The following HHLA2 variants were observed in gnomAD, a reference collection of about 807,000 sequenced individuals.
HHLA2 encodes HERV-H LTR-associating protein 2.
In HHLA2, 48 loss-of-function variants were observed where a neutral mutation model predicts 45.9. The ratio of observed to expected loss-of-function variants is 1.05; its 90% CI spans 0.83 to 1.33. The LOEUF is 1.33. Among genes scored for constraint, HHLA2 ranks in the 40% most tolerant of loss-of-function variants. HHLA2 has a pLI of 0.00. For synonymous variants in HHLA2, 161 were observed against 173.9 expected, an observed-to-expected ratio of 0.93 and a Z score of 0.59; for missense variants, 462 against 494.3, an observed-to-expected ratio of 0.93 and a Z score of 0.62.
At chr3:108,355,875 T>C (rs2081880218) in intron 6 of HHLA2, among the ~76,000 whole-genome samples, 1 of 152,172 alleles carries the variant, frequency 6.6e-6, no homozygotes, top group Non-Finnish European at 1.5e-5. Context: ...TCAATCTTTA[T>C]CCAACACCTC....
intron 3 of HHLA2, among the ~76,000 whole-genome samples, chr3:108,345,587 G>C (rs1461738914): frequency 1.3e-5 from 2 of 152,158 alleles, no homozygotes; most frequent in African/African-American, 4.8e-5. Flanking sequence ...AATGTCACCA[G>C]CTGACCCGTC....
intron 3 of HHLA2, chr3:108,328,389 G>A (rs1415195107): frequency 4.4e-6 from 6 of 1,350,400 alleles, no homozygotes; most frequent in Non-Finnish European, 6.0e-6. Flanking sequence ...TATTATCTGT[G>A]CAGCTATTTA....
intron 1 of HHLA2, among the ~76,000 whole-genome samples, chr3:108,305,605 C>A (rs1469065118): frequency 6.6e-6 from 1 of 152,100 alleles, no homozygotes; most frequent in Non-Finnish European, 1.5e-5. Flanking sequence ...GAGTTCCATT[C>A]CATTCCAGAA....
intron 3 of HHLA2, among the ~76,000 whole-genome samples, chr3:108,334,071 G>A (rs2081431795): frequency 6.6e-6 from 1 of 152,190 alleles, no homozygotes; most frequent in Non-Finnish European, 1.5e-5. Flanking sequence ...AGACTGTGAA[G>A]TGGGAGGGTG....
chr3:108,370,163 T>G (rs1284176733), intron 8 of HHLA2, among the ~76,000 whole-genome samples: 3 of 152,296 alleles, frequency 2.0e-5, no homozygotes, highest in African/African-American at 4.8e-5. Context: ...AAGTATCCGC[T>G]GTTCTGCAGC....
intron 2 of HHLA2, among the ~76,000 whole-genome samples, chr3:108,322,577 A>C (rs12637516): frequency 0.1 from 15,681 of 152,172 alleles, 1,545 homozygotes; most frequent in East Asian, 0.53. Flanking sequence ...AGTTCAACCT[A>C]TGTGGGGGAG....
At chr3:108,376,681 C>T in intron 10 of HHLA2, 124 bp downstream of exon 9, 1 of 743,718 alleles carries the variant, frequency 1.3e-6, no homozygotes, top group Non-Finnish European at 2.2e-6. Context: ...AAAACAGCAG[C>T]AGGGGTTGCA....
At chr3:108,364,071 A>G (rs145162607) in intron 8 of HHLA2, among the ~76,000 whole-genome samples, 2 of 151,530 alleles carry the variant, frequency 1.3e-5, no homozygotes, top group Non-Finnish European at 2.9e-5. Flanking sequence ...GGTTTGCTGC[A>G]CCTATCAACC....
intron 8 of HHLA2, among the ~76,000 whole-genome samples, chr3:108,371,836 G>C (rs1157261856): frequency 1.3e-5 from 2 of 152,158 alleles, no homozygotes; most frequent in Non-Finnish European, 2.9e-5. Context: ...CAAGTCCTTA[G>C]TGACCTACAA....
Position 108,307,702 on chromosome 3 carries a change from G to T in HHLA2, c.-191-2953G>T, listed in dbSNP as rs546919793. Among the ~76,000 whole-genome samples the T allele has an allele frequency of 3.4e-4, 51 of 151,762 alleles. No individual in the cohort carries two copies. The Middle Eastern group carries it at 0.01, about 31-fold the overall frequency. On this transcript the variant is annotated intron_variant, in intron 1 of 10. Transcript: ENST00000619531. The stretch of plus-strand genomic sequence containing the variant: ...CACTTTGTTAACATTGTATATACAT[G>T]GTTCATTTGTCAAAACTTAAGAAAT...
At chr3:108,316,549 ATGGGGTAGGC>A (rs1413182579) in intron 2 of HHLA2, among the ~76,000 whole-genome samples, 1 of 152,288 alleles carries the variant, frequency 6.6e-6, no homozygotes, top group Non-Finnish European at 1.5e-5. Context: ...AAGAGAAGTG[ATGGGGTAGGC>A]TGGAGAACCT....
intron 2 of HHLA2, among the ~76,000 whole-genome samples, chr3:108,322,761 G>C (rs192376606): frequency 6.6e-6 from 1 of 152,296 alleles, no homozygotes; most frequent in Admixed American, 6.5e-5. Context: ...GTGTGTACAT[G>C]GCGTCATCAG....
intron 1 of HHLA2, among the ~76,000 whole-genome samples, chr3:108,309,161 A>C (rs2080977767): frequency 6.6e-6 from 1 of 152,122 alleles, no homozygotes; most frequent in Non-Finnish European, 1.5e-5. Flanking sequence ...TTAAGTCTTT[A>C]ATCCACTTTT....
chr3:108,371,764 A>T (rs1357347517), intron 8 of HHLA2, among the ~76,000 whole-genome samples: 1 of 152,216 alleles, frequency 6.6e-6, no homozygotes, highest in African/African-American at 2.4e-5. Flanking sequence ...TCAACTCAAC[A>T]AGAAGAGCTA....
chr3:108,321,057 G>A (rs953208052), intron 2 of HHLA2, among the ~76,000 whole-genome samples: 4 of 137,534 alleles, frequency 2.9e-5, no homozygotes, highest in African/African-American at 1.1e-4. Flanking sequence ...ATTCGTATCC[G>A]GGCCAGTCTC....
intron 1 of HHLA2, among the ~76,000 whole-genome samples, chr3:108,297,035 C>T (rs963908757): frequency 6.6e-6 from 1 of 152,098 alleles, no homozygotes; most frequent in African/African-American, 2.4e-5. Context: ...AACAAAAGGA[C>T]CGTAGTAGTG....
chr3:108,347,159 C>A (rs2081676170), intron 3 of HHLA2, among the ~76,000 whole-genome samples: 1 of 152,120 alleles, frequency 6.6e-6, no homozygotes, highest in Non-Finnish European at 1.5e-5. Context: ...AAAAATAAAA[C>A]CTAGGCATAA....
chr3:108,327,149 T>A (rs1241945927), intron 2 of HHLA2, among the ~76,000 whole-genome samples: 1 of 152,206 alleles, frequency 6.6e-6, no homozygotes, highest in African/African-American at 2.4e-5. Context: ...TTAGAATAAA[T>A]TTTTCTCTCA....
At chr3:108,355,241 A>G (rs370463698) in exon 6 of HHLA2, 48 of 1,613,784 alleles carry the variant, frequency 3.0e-5, no homozygotes, top group Non-Finnish European at 3.8e-5. Flanking sequence ...ATCTCTGAAA[A>G]CAACATGGAA....
Sources: allele counts gnomAD v4.1 joint callset (sites outside exome capture counted in the v4.1 genomes callset), GRCh38; gene constraint gnomAD v4.1.1; transcripts MANE v1.5; gene names NCBI Gene and HGNC (gene_info 2026-07-23, HGNC 2026-07-21).